The following MAGI2 variants were observed in gnomAD, a reference collection of about 807,000 sequenced individuals.
MAGI2 encodes membrane-associated guanylate kinase, WW and PDZ domain-containing protein 2.
MAGI2 carries 35 observed loss-of-function variants against 133.3 expected under a neutral mutation model. The observed-to-expected ratio is 0.26, with a 90% CI of 0.20 to 0.35. The LOEUF (loss-of-function observed/expected upper bound fraction) is 0.35, where lower values mean the gene tolerates loss of function less well. MAGI2 is among the 10% of genes least tolerant of loss of function. MAGI2 has a pLI of 1.00. For synonymous variants in MAGI2, 729 were observed against 710.6 expected, an observed-to-expected ratio of 1.03 and a Z score of -0.41; for missense variants, 1,636 against 1,863.4, an observed-to-expected ratio of 0.88 and a Z score of 2.25.
intron 16 of MAGI2, among the ~76,000 whole-genome samples, chr7:78,148,092 GTT>G (rs1451828805): frequency 6.6e-6 from 1 of 152,004 alleles, no homozygotes; most frequent in East Asian, 1.9e-4. Flanking sequence ...ATATGAAAAC[GTT>G]TATAGAAGCT....
intron 1 of MAGI2, among the ~76,000 whole-genome samples, chr7:79,122,134 T>C (rs1819956632): frequency 6.6e-6 from 1 of 152,212 alleles, no homozygotes; most frequent in African/African-American, 2.4e-5. Context: ...AGGGTCATTT[T>C]GAATCTATAC....
intron 1 of MAGI2, among the ~76,000 whole-genome samples, chr7:79,266,800 A>G (rs546045724): frequency 3.9e-4 from 60 of 152,320 alleles, no homozygotes; most frequent in Middle Eastern, 3.4e-3. Flanking sequence ...AACCCTTCTT[A>G]GGAACCTGAC....
chr7:79,349,214 G>A (rs1242085276), intron 1 of MAGI2, among the ~76,000 whole-genome samples: 1 of 151,840 alleles, frequency 6.6e-6, no homozygotes, highest in Non-Finnish European at 1.5e-5. Context: ...GTAGGAATAG[G>A]CAGATTGTAG....
At chr7:78,264,029 C>A (rs1264971066) in intron 9 of MAGI2, among the ~76,000 whole-genome samples, 2 of 152,122 alleles carry the variant, frequency 1.3e-5, no homozygotes, top group Non-Finnish European at 2.9e-5. Context: ...TTTCTGACCG[C>A]CTCCTTTAGC....
chr7:78,420,311 T>C (rs1041086919), intron 6 of MAGI2, among the ~76,000 whole-genome samples: 1 of 152,148 alleles, frequency 6.6e-6, no homozygotes, highest in African/African-American at 2.4e-5. Flanking sequence ...AGTAAAGAAT[T>C]ACTCCATGAA....
chr7:78,919,687 A>G (rs373348386), intron 2 of MAGI2, among the ~76,000 whole-genome samples: 7 of 152,144 alleles, frequency 4.6e-5, no homozygotes, highest in African/African-American at 1.7e-4. Flanking sequence ...AACTATGGAA[A>G]TGCTATCAAA....
intron 2 of MAGI2, among the ~76,000 whole-genome samples, chr7:78,836,644 C>G (rs1285310846): frequency 6.6e-6 from 1 of 152,122 alleles, no homozygotes; most frequent in Non-Finnish European, 1.5e-5. Flanking sequence ...TTACAACTTA[C>G]TTATTTCAAT....
chr7:78,215,170 G>A (rs971278852), intron 10 of MAGI2, among the ~76,000 whole-genome samples: 46 of 152,326 alleles, frequency 3.0e-4, no homozygotes, highest in Middle Eastern at 3.4e-3. Context: ...ATTCAGGGAA[G>A]GGAAACGTTA....
intron 2 of MAGI2, among the ~76,000 whole-genome samples, chr7:78,654,563 C>G (rs780450849): frequency 2.0e-5 from 3 of 151,298 alleles, no homozygotes; most frequent in Non-Finnish European, 2.9e-5. Context: ...CAACGTTTCC[C>G]AAGTTGAGTT....
At chr7:79,293,376 T>G (rs1213853019) in intron 1 of MAGI2, among the ~76,000 whole-genome samples, 10 of 152,220 alleles carry the variant, frequency 6.6e-5, no homozygotes, top group Non-Finnish European at 1.2e-4. Context: ...TCCCATTTAT[T>G]ATTTATTTCT....
At chr7:78,235,749 T>TA (rs1464626161) in intron 10 of MAGI2, among the ~76,000 whole-genome samples, 2 of 135,436 alleles carry the variant, frequency 1.5e-5, no homozygotes, top group Admixed American at 1.6e-4. Context: ...ACTAATACTC[T>TA]ATTTTTTTTA....
chr7:79,155,176 G>A (rs1436819245), intron 1 of MAGI2, among the ~76,000 whole-genome samples: 1 of 152,078 alleles, frequency 6.6e-6, no homozygotes, highest in Non-Finnish European at 1.5e-5. Flanking sequence ...GTATAGCAGT[G>A]GCTTTGTTCT....
At chr7:79,392,642 C>A (rs1285164463) in intron 1 of MAGI2, among the ~76,000 whole-genome samples, 1 of 152,160 alleles carries the variant, frequency 6.6e-6, no homozygotes, top group Non-Finnish European at 1.5e-5. Context: ...TGTTTGTTGG[C>A]AGCATAAATG....
intron 2 of MAGI2, among the ~76,000 whole-genome samples, chr7:78,708,605 A>C (rs896334840): frequency 1.3e-5 from 2 of 152,106 alleles, no homozygotes; most frequent in African/African-American, 4.8e-5. Flanking sequence ...TTAATGGGAG[A>C]ATATGTTTCA....
chr7:79,094,877 A>G (rs911723467), intron 1 of MAGI2, among the ~76,000 whole-genome samples: 3 of 152,166 alleles, frequency 2.0e-5, no homozygotes, highest in Admixed American at 1.3e-4. Flanking sequence ...TTTTCAATTT[A>G]TGGAACATGG....
chr7:79,394,432 A>G (rs1412565129), intron 1 of MAGI2, among the ~76,000 whole-genome samples: 1 of 152,204 alleles, frequency 6.6e-6, no homozygotes, highest in Non-Finnish European at 1.5e-5. Context: ...TGGTTGTCAT[A>G]TCCAGGTGGG....
chr7:78,527,800 A>G (rs1024843319), intron 3 of MAGI2, among the ~76,000 whole-genome samples: 15 of 152,196 alleles, frequency 9.9e-5, no homozygotes, highest in African/African-American at 3.1e-4. Flanking sequence ...GTAGACTCAG[A>G]TGCTTACTCT....
intron 1 of MAGI2, among the ~76,000 whole-genome samples, chr7:79,244,911 G>A (rs944693999): frequency 7.2e-5 from 11 of 152,138 alleles, no homozygotes; most frequent in South Asian, 2.1e-4. Flanking sequence ...TTGAGTACCA[G>A]CTCAGCCACA....
chr7:78,698,783 C>A (rs900223750), intron 2 of MAGI2, among the ~76,000 whole-genome samples: 1 of 151,954 alleles, frequency 6.6e-6, no homozygotes, highest in Non-Finnish European at 1.5e-5. Context: ...TCAAACAAAG[C>A]GGAGGGAAAG....
Sources: allele counts gnomAD v4.1 joint callset (sites outside exome capture counted in the v4.1 genomes callset), GRCh38; gene constraint gnomAD v4.1.1; transcripts MANE v1.5; gene names NCBI Gene and HGNC (gene_info 2026-07-23, HGNC 2026-07-21).